The following KTN1 variants were observed in gnomAD, a reference collection of about 807,000 sequenced individuals.
KTN1 encodes the protein kinectin 1, also known as kinectin.
A neutral mutation model predicts 222.5 loss-of-function variants in KTN1; 130 were observed. That is an observed-to-expected ratio of 0.58 (90% CI 0.51 to 0.68). The LOEUF (loss-of-function observed/expected upper bound fraction) is 0.68, where lower values mean the gene tolerates loss of function less well. Ranked by LOEUF, KTN1 falls within the 30% of genes least tolerant of loss-of-function variation. KTN1 has a pLI of 0.00. For missense variants in KTN1, 1,508 were observed against 1,500.4 expected (o/e 1.01, Z -0.08); for synonymous variants, 512 against 496.3 (o/e 1.03, Z -0.42).
Position 55,672,939 on chromosome 14 carries a change from A to G in KTN1, c.3614A>G (p.Glu1205Gly), listed in dbSNP as rs150108203. The G allele has an allele frequency of 6.5e-5, 105 of 1,613,042 alleles. No individual in the cohort carries two copies. The South Asian group carries it at 8.6e-4, about 13-fold the overall frequency. The stretch of plus-strand genomic sequence containing the variant: ...TTGTTGCATTGCTAGCTGAGAAGAG[A>G]ACGAGAACATTTGGAAATGGAACTA... ...ENKDIENLRR[E>G]REHLEMELEK... Residue 1205 changes from glutamate to glycine, a missense_variant, in exon 39 of 44, where the codon GAA becomes GGA. Physicochemically the swap from Glu to Gly is moderately conservative, Grantham distance 98. Coordinates refer to ENST00000395314, the MANE Select transcript of KTN1 (RefSeq NM_001079521.2).
chr14:55,631,341 G>GAGATAGATAGATATAT (rs71448461), intron 7 of KTN1, among the ~76,000 whole-genome samples: 4 of 114,718 alleles, frequency 3.5e-5, no homozygotes, highest in South Asian at 2.8e-4. Flanking sequence ...TGATAAGGTT[G>GAGATAGATAGATATAT]ATATATATAT....
intron 7 of KTN1, among the ~76,000 whole-genome samples, chr14:55,631,341 G>GAGATATATAT (rs71448461): frequency 7.0e-5 from 8 of 114,706 alleles, no homozygotes; most frequent in South Asian, 2.9e-4. Flanking sequence ...TGATAAGGTT[G>GAGATATATAT]ATATATATAT....
At chr14:55,638,230 G>A (rs1454033845) in intron 12 of KTN1, among the ~76,000 whole-genome samples, 1 of 151,820 alleles carries the variant, frequency 6.6e-6, no homozygotes, top group African/African-American at 2.4e-5. Context: ...GAACAGTATG[G>A]TAACCATAGA....
intron 1 of KTN1, among the ~76,000 whole-genome samples, chr14:55,591,806 C>T (rs1450980391): frequency 6.6e-6 from 1 of 152,042 alleles, no homozygotes; most frequent in East Asian, 1.9e-4. Context: ...GGACTCCCGA[C>T]CTCAGGTGAT....
At chr14:55,592,490 C>T (rs1157312476) in intron 1 of KTN1, among the ~76,000 whole-genome samples, 1 of 152,224 alleles carries the variant, frequency 6.6e-6, no homozygotes, top group Non-Finnish European at 1.5e-5. Flanking sequence ...TCCACTTATA[C>T]ATGGAGCAGG....
chr14:55,672,420 G>A (rs879767676), intron 37 of KTN1: 12 of 444,736 alleles, frequency 2.7e-5, no homozygotes, highest in South Asian at 7.8e-5. Flanking sequence ...ACTTTTAGCC[G>A]AGCCTAATAT....
At chr14:55,650,515 A>T in intron 23 of KTN1, 54 bp from the exon 24 acceptor site, 1 of 1,531,244 alleles carries the variant, frequency 6.5e-7, no homozygotes, top group Admixed American at 1.7e-5. Flanking sequence ...ATTGCATTTT[A>T]TGTCAATTTC....
At chr14:55,600,756 C>T (rs79331566) in intron 1 of KTN1, among the ~76,000 whole-genome samples, 14 of 152,226 alleles carry the variant, frequency 9.2e-5, no homozygotes, top group African/African-American at 3.4e-4. Context: ...GTTTTGATGA[C>T]ATGTTCTTTT....
intron 5 of KTN1, among the ~76,000 whole-genome samples, chr14:55,625,762 AT>A (rs1212327809): frequency 4.6e-5 from 7 of 150,718 alleles, no homozygotes; most frequent in Non-Finnish European, 7.4e-5. Flanking sequence ...CCAGAATTTC[AT>A]TTTTTTTTCC....
intron 38 of KTN1, 28 bp downstream of exon 38, chr14:55,672,729 A>G (rs1342686916): frequency 6.9e-7 from 1 of 1,446,388 alleles, no homozygotes; most frequent in Non-Finnish European, 9.7e-7. Context: ...TTTACTTGTA[A>G]CCTATGGATT....
At chr14:55,659,583 T>C (rs2043887604) in intron 30 of KTN1, 83 bp from the exon 31 acceptor site, 2 of 857,562 alleles carry the variant, frequency 2.3e-6, no homozygotes, top group Non-Finnish European at 3.9e-6. Context: ...GTTGTTTTCT[T>C]AATTTATATT....
At chr14:55,634,486 T>C (rs2040887070) in intron 8 of KTN1, 40 bp from the exon 9 acceptor site, 1 of 1,540,834 alleles carries the variant, frequency 6.5e-7, no homozygotes, top group Admixed American at 2.1e-5. Flanking sequence ...TATATATATT[T>C]GTAATAACGG....
chr14:55,588,735 T>C (rs895563362), intron 1 of KTN1, among the ~76,000 whole-genome samples: 4 of 152,228 alleles, frequency 2.6e-5, no homozygotes, highest in African/African-American at 4.8e-5. Flanking sequence ...TTCCATCTAT[T>C]GCAAATGGCA....
rs561738485 is a variant in KTN1, at chr14:55,681,564, G to C, written c.4069+1879G>C. The C allele has an allele frequency of 1.2e-4, 18 of 152,206 alleles. No individual in the cohort carries two copies. In the East Asian group the frequency reaches 3.1e-3, roughly 26 times the overall value. The allele number at this position is 152,206 out of a possible 1,614,324, so 9.4% of individuals were successfully genotyped here. On this transcript the variant is annotated intron_variant, in intron 43 of 43. Coordinates refer to ENST00000395314, the MANE Select transcript of KTN1 (RefSeq NM_001079521.2). Reference sequence around the variant, plus strand: ...TAACACTTTTTCTTTTTGATTTGCAGAATTATAGTAATTTATTAAAATATG... The same window carrying C: ...TAACACTTTTTCTTTTTGATTTGCACAATTATAGTAATTTATTAAAATATG...
At position 55,637,689 on chromosome 14, in the gene KTN1, TAAAC is replaced by T. The variant is rs1234730723; in HGVS notation, c.1717-86_1717-83del. The T allele has an allele frequency of 5.8e-6, 5 of 855,078 alleles. No individual in the cohort carries two copies. In the African/African-American group the frequency reaches 6.8e-5, roughly 12 times the overall value. The allele number at this position is 855,078 out of a possible 1,614,324, so 53.0% of individuals were successfully genotyped here. A position where few individuals can be genotyped will look rare whatever the true frequency, so the allele number is the denominator to read the frequency against. On this transcript the variant is annotated intron_variant, in intron 11 of 43. Coordinates refer to ENST00000395314, the MANE Select transcript of KTN1 (RefSeq NM_001079521.2). Reference sequence around the variant, plus strand: ...GCCTTAAAAAAAAAAAAGAAAAAGATAAACAAATGTACCTATAATACATTGTGTT... The same window carrying T: ...GCCTTAAAAAAAAAAAAGAAAAAGATAAATGTACCTATAATACATTGTGTT...
Position 55,630,002 on chromosome 14 carries a change from A to G in KTN1, c.1126A>G (p.Met376Val). 1 of 1,603,166 alleles carries G rather than the reference A, an allele frequency of 6.2e-7. No individual in the cohort carries two copies. Among genetic ancestry groups the G allele is most frequent in the Non-Finnish European group, 8.5e-7 (1 of 1,170,022 alleles). ...KERSNVVITR[M>V]KDRIGTLEKE... ...AAGAAGCAATGTGGTTATAACAAGG[A>G]TGAAAGATCGAATTGGAACATTAGA... Residue 376 changes from methionine (M) to valine (V), a missense_variant, in exon 7 of 44, where the codon ATG (methionine) becomes GTG (valine). Met to Val is a conservative substitution (Grantham distance 21, BLOSUM62 1). Transcript: ENST00000395314.
chr14:55,621,212 A>C (rs1364834809), intron 5 of KTN1, among the ~76,000 whole-genome samples: 1 of 152,246 alleles, frequency 6.6e-6, no homozygotes, highest in Non-Finnish European at 1.5e-5. Flanking sequence ...TATCATCATC[A>C]GCATTTTGGT....
chr14:55,603,944 C>G (rs2036356622), intron 1 of KTN1, among the ~76,000 whole-genome samples: 1 of 152,150 alleles, frequency 6.6e-6, no homozygotes, highest in Non-Finnish European at 1.5e-5. Context: ...TTGGCTCTAC[C>G]TTTATAAAGT....
chr14:55,637,705 T>C, intron 11 of KTN1, 74 bp from the exon 12 acceptor site: 1 of 1,001,822 alleles, frequency 1.0e-6, no homozygotes, highest in Non-Finnish European at 1.5e-6. Context: ...AATGTACCTA[T>C]AATACATTGT....
Sources: gnomAD v4.1 joint callset for allele counts (sites outside exome capture counted in the v4.1 genomes callset) on GRCh38, gnomAD v4.1.1 for gene constraint, MANE v1.5 for transcripts, NCBI Gene and HGNC (gene_info 2026-07-23, HGNC 2026-07-21) for gene names.